Variants in CCDC90B observed in about 807,000 individuals in gnomAD.
The protein encoded by CCDC90B is coiled-coil domain-containing protein 90B, mitochondrial.
CCDC90B carries 24 observed loss-of-function variants against 37.0 expected under a neutral mutation model. The observed-to-expected ratio is 0.65, with a 90% CI of 0.47 to 0.91. The LOEUF (loss-of-function observed/expected upper bound fraction) is 0.91. CCDC90B is among the 40% of genes least tolerant of loss of function. The pLI, the probability that CCDC90B is intolerant of heterozygous loss-of-function variation, is 0.00. For missense variants in CCDC90B, 319 were observed against 299.0 expected (o/e 1.07, Z -0.49); for synonymous variants, 113 against 101.1 (o/e 1.12, Z -0.71).
chr11:83,285,154 C>A (rs771890269), intron 1 of CCDC90B: 6 of 1,274,088 alleles, frequency 4.7e-6, no homozygotes, highest in African/African-American at 4.6e-5. Flanking sequence ...AGAAGGTGAA[C>A]AGAGATAAGA....
rs1355943844 is a variant in CCDC90B at position 83,278,848 on chromosome 11, T to A, written c.221-19A>T. On this transcript the variant is annotated intron_variant, in intron 2 of 8. Coordinates refer to ENST00000529689, the MANE Select transcript of CCDC90B (RefSeq NM_021825.5). ...TCAAATCCTGTAGGCAGCAAATAGG[T>A]ATTTTATTTTTTTTAAAGTGTATAT... is the stretch of plus-strand genomic sequence containing the variant. 10 of 1,511,938 alleles carry A rather than the reference T, an allele frequency of 6.6e-6. No homozygotes were observed. Among genetic ancestry groups the A allele is most frequent in the Non-Finnish European group, 9.2e-6 (10 of 1,088,240 alleles). The allele number at this position is 1,511,938 out of a possible 1,614,324, so 93.7% of individuals were successfully genotyped here. A position where few individuals can be genotyped will look rare whatever the true frequency, so the allele number is the denominator to read the frequency against.
chr11:83,265,881 T>A lies in CCDC90B; in HGVS notation c.693A>T (p.Thr231=), dbSNP rs1312614895. ...KTLMESNKLE[T]IRYLAASVFT... ...CAGTCTTACCTGCAAGATAACGAAT[T>A]GTCTCAAGTTTGTTAGATTCCATCA... Residue 231 remains threonine, a synonymous_variant, in exon 8 of 9, where the codon ACA becomes ACT. Transcript: ENST00000529689. 2 of 1,603,536 alleles carry A rather than the reference T, an allele frequency of 1.2e-6. No individual in the cohort carries two copies. Among genetic ancestry groups the A allele is most frequent in the South Asian group, 2.2e-5 (2 of 90,128 alleles).
chr11:83,272,433 C>G (rs1043852867), intron 7 of CCDC90B, among the ~76,000 whole-genome samples: 1 of 151,924 alleles, frequency 6.6e-6, no homozygotes, highest in Non-Finnish European at 1.5e-5. Flanking sequence ...ACAGAACTAT[C>G]ATTTTATGTG....
At chr11:83,279,899 T>TAA (rs1431382512) in intron 2 of CCDC90B, among the ~76,000 whole-genome samples, 1 of 152,208 alleles carries the variant, frequency 6.6e-6, no homozygotes, top group Non-Finnish European at 1.5e-5. Flanking sequence ...TTTTTTCACT[T>TAA]AATTGGAATA....
chr11:83,278,627 G>GAT (rs1591057342), intron 3 of CCDC90B, 99 bp downstream of exon 3: 2 of 729,340 alleles, frequency 2.7e-6, no homozygotes, highest in East Asian at 5.1e-5. Flanking sequence ...GAACAAGGAA[G>GAT]ATATAAGCAT....
chr11:83,264,269 T>C (rs1347581801), intron 8 of CCDC90B, among the ~76,000 whole-genome samples: 6 of 152,332 alleles, frequency 3.9e-5, no homozygotes, highest in Admixed American at 3.3e-4. Flanking sequence ...AAAAGATGTC[T>C]GTGTGGAAAG....
chr11:83,263,487 G>A (rs1332300429), intron 8 of CCDC90B, among the ~76,000 whole-genome samples: 1 of 152,150 alleles, frequency 6.6e-6, no homozygotes, highest in Non-Finnish European at 1.5e-5. Flanking sequence ...ATGCTTAGGT[G>A]AGCATATGCC....
intron 7 of CCDC90B, among the ~76,000 whole-genome samples, chr11:83,269,292 A>G (rs1267612445): frequency 2.6e-5 from 4 of 152,132 alleles, no homozygotes; most frequent in Non-Finnish European, 5.9e-5. Context: ...GAGGTAAGAG[A>G]TAAGAGACAC....
intron 2 of CCDC90B, among the ~76,000 whole-genome samples, chr11:83,279,143 T>G (rs1307322025): frequency 6.6e-6 from 1 of 151,980 alleles, no homozygotes; most frequent in Non-Finnish European, 1.5e-5. Context: ...TAGCCAGGCG[T>G]GGTGGCGGGC....
chr11:83,279,615 G>T (rs1036921207), intron 2 of CCDC90B, among the ~76,000 whole-genome samples: 4 of 151,792 alleles, frequency 2.6e-5, no homozygotes, highest in African/African-American at 9.7e-5. Context: ...TTCAATAAGG[G>T]GATCTAATAT....
At chr11:83,273,754 G>C in intron 6 of CCDC90B, 39 bp downstream of exon 6, 1 of 1,601,148 alleles carries the variant, frequency 6.2e-7, no homozygotes, top group Non-Finnish European at 8.5e-7. Context: ...AATAAAAAAG[G>C]AGTAAGTAAC....
intron 7 of CCDC90B, 144 bp downstream of exon 7, chr11:83,273,503 T>G: frequency 2.0e-6 from 1 of 512,100 alleles, no homozygotes. Context: ...CCAAAAGTGC[T>G]GGTTAACTAT....
chr11:83,281,488 A>G (rs1371922155), intron 1 of CCDC90B, among the ~76,000 whole-genome samples: 1 of 152,216 alleles, frequency 6.6e-6, no homozygotes, highest in East Asian at 1.9e-4. Flanking sequence ...AAATACTCCA[A>G]AAAATTCTAT....
intron 3 of CCDC90B, among the ~76,000 whole-genome samples, chr11:83,276,015 T>A (rs1865004602): frequency 6.6e-6 from 1 of 152,228 alleles, no homozygotes; most frequent in African/African-American, 2.4e-5. Flanking sequence ...GCTAATGTAT[T>A]AATGTGGAGG....
At chr11:83,268,802 T>C (rs1028530830) in intron 7 of CCDC90B, among the ~76,000 whole-genome samples, 10 of 152,184 alleles carry the variant, frequency 6.6e-5, no homozygotes, top group South Asian at 2.1e-4. Context: ...CAACAGAGTA[T>C]ACATTCTTCT....
chr11:83,274,462 T>C (rs879750758), intron 4 of CCDC90B, 177 bp downstream of exon 4: 31 of 430,748 alleles, frequency 7.2e-5, no homozygotes, highest in Non-Finnish European at 1.3e-4. Flanking sequence ...CAAAGCACTA[T>C]GATTTATATA....
intron 8 of CCDC90B, among the ~76,000 whole-genome samples, chr11:83,263,474 A>G (rs80247319): frequency 0.02 from 3,088 of 152,334 alleles, 96 homozygotes; most frequent in African/African-American, 0.07. Context: ...ACATATATGT[A>G]AAATGCTTAG....
intron 1 of CCDC90B, chr11:83,285,466 C>T: frequency 9.0e-7 from 1 of 1,116,616 alleles, no homozygotes; most frequent in Non-Finnish European, 1.1e-6. Flanking sequence ...TACCAAAAAC[C>T]TGGGCTCGAG....
chr11:83,267,524 G>T (rs1008967113), intron 7 of CCDC90B: 8 of 152,074 alleles, frequency 5.3e-5, no homozygotes, highest in African/African-American at 1.9e-4. Context: ...AGTGACTGAA[G>T]ATCAAATTAA....
Sources: gnomAD v4.1 joint callset for allele counts (sites outside exome capture counted in the v4.1 genomes callset) on GRCh38, gnomAD v4.1.1 for gene constraint, MANE v1.5 for transcripts, NCBI Gene and HGNC (gene_info 2026-07-23, HGNC 2026-07-21) for gene names.